The following PLOD3 variants were observed in gnomAD, a reference collection of about 807,000 sequenced individuals.
PLOD3 encodes procollagen-lysine,2-oxoglutarate 5-dioxygenase 3, also known as multifunctional procollagen lysine hydroxylase and glycosyltransferase LH3.
Under a neutral mutation model 96.9 loss-of-function variants are expected in PLOD3, and 73 were observed. The ratio of observed to expected loss-of-function variants is 0.75; its 90% CI spans 0.62 to 0.92. The LOEUF (loss-of-function observed/expected upper bound fraction) is 0.92. Among genes scored for constraint, PLOD3 ranks in the 40% least tolerant of loss-of-function variants. PLOD3 has a pLI of 0.00. For synonymous variants in PLOD3, 454 were observed against 413.7 expected (o/e 1.10, Z -1.18); for missense variants, 1,004 against 1,004.3 (o/e 1.00, Z 0.00).
At position 101,206,838 on chromosome 7, in the gene PLOD3, GGTGTGGCCGCAGAGAC is replaced by G; in HGVS notation, c.1986_2001del (p.Ser663ThrfsTer32). The G allele has an allele frequency of 6.4e-7, 1 of 1,573,604 alleles. No homozygotes were observed. ...TTGAGGGTGAAGGTGGATGAGTCGT[GGTGTGGCCGCAGAGAC>G]GGCTGCTCGTCTGGCCGGTAGCGAA... On this transcript the variant is annotated frameshift_variant, in exon 18 of 19. Transcript: ENST00000223127. LOFTEE classifies it high-confidence loss of function.
At position 101,207,706 on chromosome 7, in the gene PLOD3, C is replaced by T; in HGVS notation, c.1807G>A (p.Gly603Ser). 1.9e-6 allele frequency: 3 copies of T among 1,614,092 alleles called. No individual in the cohort carries two copies. The highest frequency in any genetic ancestry group is 1.3e-5 in the African/African-American group (1 of 75,026). ...GRHEDSRLAGGYENVPTVDIH... is the reference protein window; with the variant it reads ...GRHEDSRLAGSYENVPTVDIH... The stretch of plus-strand genomic sequence containing the variant: ...TCCACGGTGGGCACATTCTCGTAGC[C>T]TCCAGCCAGCCTTGAATCCTGGGGG... The change falls in exon 17 of 19, where the codon GGC becomes AGC. Residue 603 changes from glycine to serine, a missense_variant. Transcript: ENST00000223127.
At chr7:101,215,763 A>C (rs969594104) in intron 5 of PLOD3, 145 bp downstream of exon 5, 179 of 694,214 alleles carry the variant, frequency 2.6e-4, no homozygotes, top group Middle Eastern at 3.7e-4. Context: ...AAGCCTCCCA[A>C]AAGTCTTGGA....
intron 9 of PLOD3, 57 bp from the exon 10 acceptor site, chr7:101,212,431 G>A: frequency 1.9e-6 from 3 of 1,593,638 alleles, no homozygotes; most frequent in Non-Finnish European, 2.6e-6. Context: ...GGCACCTGAG[G>A]GATGGGGGTG....
rs373370438 is a variant in PLOD3 at position 101,215,146 on chromosome 7, G to C, written c.622C>G (p.Leu208Val). 2.2e-5 allele frequency: 36 copies of C among 1,609,934 alleles called. No individual in the cohort carries two copies. The African/African-American group carries it at 4.4e-4, about 20-fold the overall frequency. Residue 208 changes from leucine to valine, a missense_variant, in exon 6 of 19, where the codon CTC becomes GTC. Around this residue, in one of 5 missense-constraint regions of PLOD3, gnomAD observed 690 missense variants for 650.2 expected, o/e 1.06. Transcript: ENST00000223127. ...LYLDPGLREKLSLNLDHKSRI... is the reference protein window; with the variant it reads ...LYLDPGLREKVSLNLDHKSRI... ...GACTTATGATCCAGATTAAGGCTGA[G>C]TTTCTCCTAAATGGAATGAGATGCG... is the stretch of plus-strand genomic sequence containing the variant.
intron 10 of PLOD3, 95 bp downstream of exon 10, chr7:101,212,158 G>C: frequency 6.7e-7 from 1 of 1,502,530 alleles, no homozygotes; most frequent in East Asian, 2.3e-5. Flanking sequence ...GGGGCTGGAT[G>C]GGTGACAGGT....
intron 18 of PLOD3, 150 bp downstream of exon 18, chr7:101,206,629 C>T (rs944268572): frequency 4.9e-5 from 52 of 1,054,524 alleles, no homozygotes; most frequent in Non-Finnish European, 6.8e-5. Flanking sequence ...AAGCAGAGGC[C>T]GCCTGCCCAG....
In PLOD3 at chr7:101,217,222, A is replaced by G; in HGVS notation, c.53T>C (p.Leu18Pro). The change falls in exon 1 of 19, where the codon CTG (leucine) becomes CCG (proline). Residue 18 changes from leucine (L) to proline (P), a missense_variant. Leu to Pro is a moderately conservative substitution (Grantham distance 98). Coordinates refer to ENST00000223127, the MANE Select transcript of PLOD3 (RefSeq NM_001084.5). ...PRFLLLLPLL[L>P]PPAASASDRP... ...GTCGGAGGCTGAGGCCGCAGGGGGC[A>G]GCAGCAGCGGCAGCAGCAGCAGGAA... is the stretch of plus-strand genomic sequence containing the variant. 1 of 1,498,868 alleles carries G rather than the reference A, an allele frequency of 6.7e-7. No homozygotes were observed. Among genetic ancestry groups the G allele is most frequent in the Non-Finnish European group, 8.9e-7 (1 of 1,124,636 alleles). 92.8% of individuals were successfully genotyped at this position (1,498,868 alleles called of 1,614,324 possible).
Position 101,206,260 on chromosome 7 carries a change from G to A in PLOD3, c.*21C>T, listed in dbSNP as rs775631480. On this transcript the variant is annotated 3_prime_UTR_variant, in exon 19 of 19. Coordinates refer to ENST00000223127, the MANE Select transcript of PLOD3 (RefSeq NM_001084.5). ...CTAAAAAGGCACAATGGCAGGGCAGGTTTGGCAGAGTGGTTGAGTGTCAGG... is the reference window on the plus strand; with the variant it reads ...CTAAAAAGGCACAATGGCAGGGCAGATTTGGCAGAGTGGTTGAGTGTCAGG... 1.1e-5 allele frequency: 17 copies of A among 1,613,384 alleles called. No homozygotes were observed. Among genetic ancestry groups the A allele is most frequent in the East Asian group, 2.2e-5 (1 of 44,884 alleles).
intron 6 of PLOD3, chr7:101,213,506 GTTTTT>G (rs3988239): frequency 2.2e-5 from 6 of 269,314 alleles, no homozygotes; most frequent in East Asian, 1.7e-4. Flanking sequence ...CTCTCTCCTT[GTTTTT>G]TTTTTTTTTT....
chr7:101,208,753 A>G (rs1254827834), intron 16 of PLOD3, 100 bp downstream of exon 16: 2 of 786,212 alleles, frequency 2.5e-6, no homozygotes, highest in African/African-American at 1.7e-5. Flanking sequence ...CCCCCTGGGA[A>G]CCCCTCTTTG....
chr7:101,206,282 CA>C lies in PLOD3; in HGVS notation c.2215del (p.Ter739AspfsTer16). On this transcript the variant is annotated frameshift_variant and stop_lost, in exon 19 of 19. Transcript: ENST00000223127. LOFTEE classifies it high-confidence loss of function. ...RYIMVSFVDP[*>X] The stretch of plus-strand genomic sequence containing the variant: ...CAGGTTTGGCAGAGTGGTTGAGTGT[CA>C]GGGGTCGACAAAGGACACCATGATG... 1.2e-6 allele frequency: 2 copies of C among 1,613,854 alleles called. No individual in the cohort carries two copies. The highest frequency in any genetic ancestry group is 8.5e-7 in the Non-Finnish European group (1 of 1,179,918).
chr7:101,209,951 G>A lies in PLOD3; in HGVS notation c.1683+142C>T, dbSNP rs141146034. 272 of 601,514 alleles carry A rather than the reference G, an allele frequency of 4.5e-4. 2 individuals are homozygous for A. In the East Asian group the frequency reaches 6.5e-3, roughly 14 times the overall value. 37.3% of individuals were successfully genotyped at this position (601,514 alleles called of 1,614,324 possible). On this transcript the variant is annotated intron_variant, in intron 15 of 18. Transcript: ENST00000223127. ...TTGGGGGCAAGAGTCCTTTCTGTTC[G>A]GCCTCTGCCTTCATCTTGTCTGAAC... is the stretch of plus-strand genomic sequence containing the variant.
intron 17 of PLOD3, 134 bp from the exon 18 acceptor site, chr7:101,207,038 C>G (rs1375386152): frequency 1.8e-6 from 2 of 1,093,974 alleles, no homozygotes; most frequent in Admixed American, 2.5e-5. Context: ...GATCTTGGCT[C>G]GATCTTGGCT....
chr7:101,212,037 G>A (rs537305223), intron 10 of PLOD3, 87 bp from the exon 11 acceptor site: 1 of 1,053,664 alleles, frequency 9.5e-7, no homozygotes, highest in Non-Finnish European at 1.4e-6. Context: ...GAGAAGAGGA[G>A]GGAGGCAGTG....
In PLOD3 at chr7:101,212,233, C is replaced by T; in HGVS notation, c.1127+20G>A. 2 of 1,610,866 alleles carry T rather than the reference C, an allele frequency of 1.2e-6. No homozygotes were observed. The highest frequency in any genetic ancestry group is 1.7e-6 in the Non-Finnish European group (2 of 1,179,840). ...CTACAGCCTCATCCCACCCTCTCCTCCCCGCAAGCACCCGCTCACATGGCC... is the reference window on the plus strand; with the variant it reads ...CTACAGCCTCATCCCACCCTCTCCTTCCCGCAAGCACCCGCTCACATGGCC... On this transcript the variant is annotated intron_variant, in intron 10 of 18. Coordinates refer to ENST00000223127, the MANE Select transcript of PLOD3 (RefSeq NM_001084.5).
intron 12 of PLOD3, 180 bp from the exon 13 acceptor site, chr7:101,210,853 A>C (rs1365226571): frequency 1.6e-6 from 1 of 628,712 alleles, no homozygotes; most frequent in Non-Finnish European, 2.8e-6. Flanking sequence ...GTCAGTTCCT[A>C]CCCCAAGCTG....
intron 6 of PLOD3, among the ~76,000 whole-genome samples, chr7:101,214,850 C>T (rs1450616596): frequency 1.3e-5 from 2 of 152,136 alleles, no homozygotes; most frequent in Non-Finnish European, 2.9e-5. Context: ...AAAAAAAGTC[C>T]CTGGCCCGGT....
At position 101,217,370 on chromosome 7, in the gene PLOD3, C is replaced by A; in HGVS notation, c.-96G>T. 1 of 1,251,716 alleles carries A rather than the reference C, an allele frequency of 8.0e-7. No homozygotes were observed. Among genetic ancestry groups the A allele is most frequent in the Non-Finnish European group, 1.0e-6 (1 of 976,174 alleles). 77.5% of individuals were successfully genotyped at this position (1,251,716 alleles called of 1,614,324 possible). ...AGGGGAGCTCTGGAAAGGGGGCGCT[C>A]GGGCTGCTGTGCGGCCGCCGCGGGG... On this transcript the variant is annotated 5_prime_UTR_variant, in exon 1 of 19. Coordinates refer to ENST00000223127, the MANE Select transcript of PLOD3 (RefSeq NM_001084.5).
At chr7:101,207,769 G>A (rs767744794) in intron 16 of PLOD3, 45 bp from the exon 17 acceptor site, 13 of 1,610,364 alleles carry the variant, frequency 8.1e-6, no homozygotes, top group Admixed American at 6.7e-5. Flanking sequence ...CAGCCATGGC[G>A]CTCCCCACCC....
Sources: allele counts gnomAD v4.1 joint callset (sites outside exome capture counted in the v4.1 genomes callset), GRCh38; gene constraint gnomAD v4.1.1; regional missense constraint gnomAD v4.1.1; transcripts MANE v1.5; gene names NCBI Gene and HGNC (gene_info 2026-07-23, HGNC 2026-07-21).